The following NOL4 variants were observed in gnomAD, a reference collection of about 807,000 sequenced individuals.
NOL4 encodes the protein nucleolar protein 4.
In NOL4, 17 loss-of-function variants were observed where a neutral mutation model predicts 75.9. That is an observed-to-expected ratio of 0.22 (90% confidence interval 0.15 to 0.34). The LOEUF is 0.34. Ranked by LOEUF, NOL4 falls within the 10% of genes least tolerant of loss-of-function variation. The probability of loss-of-function intolerance (pLI) is 1.00; values close to 1 mark genes in which losing one functional copy is unlikely to be tolerated. For missense variants in NOL4, 614 were observed against 793.5 expected (o/e 0.77, Z 2.72); for synonymous variants, 292 against 289.9 (o/e 1.01, Z -0.07).
chr18:34,061,653 C>CTGGTGGAGTAATAACTCCTAAA (rs568752566), intron 5 of NOL4, among the ~76,000 whole-genome samples: 2 of 152,130 alleles, frequency 1.3e-5, no homozygotes, highest in African/African-American at 2.4e-5. Context: ...TAATTCCACA[C>CTGGTGGAGTAATAACTCCTAAA]TGGTGGAGTA....
At chr18:34,001,322 T>C (rs1038129926) in intron 6 of NOL4, among the ~76,000 whole-genome samples, 7 of 152,190 alleles carry the variant, frequency 4.6e-5, no homozygotes, top group Admixed American at 4.6e-4. Context: ...AATCACGGAC[T>C]GTAGGTTTGT....
chr18:33,996,659 A>G (rs549679224), intron 6 of NOL4, among the ~76,000 whole-genome samples: 46 of 152,010 alleles, frequency 3.0e-4, no homozygotes, highest in African/African-American at 1.0e-3. Flanking sequence ...AAGTGAGAAC[A>G]TATGGTCTTC....
At chr18:34,056,479 G>A (rs1399930762) in intron 5 of NOL4, among the ~76,000 whole-genome samples, 1 of 152,112 alleles carries the variant, frequency 6.6e-6, no homozygotes, top group Non-Finnish European at 1.5e-5. Context: ...AATCTCTGCA[G>A]CTCTGAGGAC....
At chr18:34,038,290 G>A (rs1162984406) in intron 5 of NOL4, among the ~76,000 whole-genome samples, 2 of 151,990 alleles carry the variant, frequency 1.3e-5, no homozygotes, top group East Asian at 3.9e-4. Context: ...TATTGTTGGT[G>A]GGAATGTAAA....
chr18:34,165,044 G>T (rs1476422864), intron 1 of NOL4, among the ~76,000 whole-genome samples: 1 of 141,060 alleles, frequency 7.1e-6, no homozygotes, highest in East Asian at 2.2e-4. Context: ...TGAACAATGA[G>T]AACACATGGA....
chr18:33,971,800 G>A (rs2071086375), intron 6 of NOL4, among the ~76,000 whole-genome samples: 2 of 151,964 alleles, frequency 1.3e-5, no homozygotes, highest in South Asian at 4.2e-4. Flanking sequence ...TAAGCCTGTT[G>A]TCTACAGCTA....
intron 5 of NOL4, among the ~76,000 whole-genome samples, chr18:34,050,997 A>C (rs2076602999): frequency 6.6e-6 from 1 of 151,962 alleles, no homozygotes; most frequent in African/African-American, 2.4e-5. Flanking sequence ...TGCATTACTA[A>C]TCTCTCTCTG....
Position 33,852,757 on chromosome 18 carries a change from A to T in NOL4, c.*85T>A. 8.5e-7 allele frequency: 1 copy of T among 1,172,798 alleles called. No homozygotes were observed. Among genetic ancestry groups the T allele is most frequent in the Non-Finnish European group, 1.2e-6 (1 of 815,398 alleles). 72.6% of individuals were successfully genotyped at this position (1,172,798 alleles called of 1,614,324 possible). On this transcript the variant is annotated 3_prime_UTR_variant, in exon 11 of 11. Coordinates refer to ENST00000261592, the MANE Select transcript of NOL4 (RefSeq NM_003787.5). ...TTCTCTTAAAAGACTGTGCAGTAAG[A>T]CCAGAAGTATCTCTGTTGGGAAATC...
intron 1 of NOL4, chr18:34,222,517 A>G: frequency 1.1e-6 from 1 of 902,434 alleles, no homozygotes; most frequent in Non-Finnish European, 1.3e-6. Flanking sequence ...CTAGCGCTAC[A>G]TTCGGGCTTT....
chr18:33,953,764 T>C (rs1011462105), intron 8 of NOL4, among the ~76,000 whole-genome samples: 1 of 152,176 alleles, frequency 6.6e-6, no homozygotes, highest in Non-Finnish European at 1.5e-5. Flanking sequence ...ACATTTGGAA[T>C]TAAATACCAA....
chr18:34,132,621 T>A (rs2080704955), intron 1 of NOL4, among the ~76,000 whole-genome samples: 1 of 151,904 alleles, frequency 6.6e-6, no homozygotes, highest in Non-Finnish European at 1.5e-5. Context: ...AGGTCTACCA[T>A]ATAAATCAGC....
chr18:34,215,383 T>A (rs1693640090), intron 1 of NOL4, among the ~76,000 whole-genome samples: 1 of 152,228 alleles, frequency 6.6e-6, no homozygotes, highest in Non-Finnish European at 1.5e-5. Flanking sequence ...GGAGATTAAA[T>A]CTTTCTTCAA....
intron 10 of NOL4, among the ~76,000 whole-genome samples, chr18:33,873,698 C>A (rs2063800852): frequency 6.6e-6 from 1 of 151,964 alleles, no homozygotes; most frequent in African/African-American, 2.4e-5. Context: ...TTCATCTATC[C>A]ATTTAATATT....
intron 2 of NOL4, among the ~76,000 whole-genome samples, chr18:34,107,979 C>T (rs564372169): frequency 6.6e-6 from 1 of 152,186 alleles, no homozygotes; most frequent in African/African-American, 2.4e-5. Flanking sequence ...CCCTCAAACC[C>T]ATGCAGCACA....
At chr18:33,978,854 A>T (rs908566339) in intron 6 of NOL4, among the ~76,000 whole-genome samples, 8 of 151,814 alleles carry the variant, frequency 5.3e-5, no homozygotes, top group East Asian at 3.9e-4. Flanking sequence ...TAAGTTTTTT[A>T]AAAAAATATT....
At chr18:33,912,875 G>C (rs1373582681) in intron 9 of NOL4, among the ~76,000 whole-genome samples, 2 of 152,034 alleles carry the variant, frequency 1.3e-5, no homozygotes, top group Non-Finnish European at 2.9e-5. Flanking sequence ...AATTGCAAAA[G>C]TGTTACCTGT....
At chr18:34,081,142 T>C (rs1391060649) in intron 5 of NOL4, among the ~76,000 whole-genome samples, 1 of 152,208 alleles carries the variant, frequency 6.6e-6, no homozygotes, top group East Asian at 1.9e-4. Flanking sequence ...TATTAACTTC[T>C]CAATTTACTA....
At chr18:33,930,831 C>T (rs879620026) in intron 9 of NOL4, among the ~76,000 whole-genome samples, 10 of 151,896 alleles carry the variant, frequency 6.6e-5, no homozygotes, top group Non-Finnish European at 1.3e-4. Flanking sequence ...CAGGAGACAA[C>T]TTAAAATAGT....
chr18:34,026,707 T>C (rs1226895111), intron 5 of NOL4, among the ~76,000 whole-genome samples: 2 of 152,196 alleles, frequency 1.3e-5, no homozygotes, highest in East Asian at 3.8e-4. Context: ...TTTTAAATAA[T>C]ATAAATTCAT....
Sources: allele counts gnomAD v4.1 joint callset (sites outside exome capture counted in the v4.1 genomes callset), GRCh38; gene constraint gnomAD v4.1.1; transcripts MANE v1.5; gene names NCBI Gene and HGNC (gene_info 2026-07-23, HGNC 2026-07-21).